Variants in CHSY3 observed in about 807,000 individuals in gnomAD.
CHSY3 encodes the protein chondroitin sulfate synthase 3.
Under a neutral mutation model 67.2 loss-of-function variants are expected in CHSY3, and 35 were observed. The observed-to-expected ratio is 0.52, with a 90% CI of 0.40 to 0.69. The LOEUF (loss-of-function observed/expected upper bound fraction) is 0.69. CHSY3 is among the 30% of genes least tolerant of loss of function. The pLI is 0.00. For synonymous variants in CHSY3, 474 were observed against 434.7 expected (o/e 1.09, Z -1.12); for missense variants, 1,069 against 1,138.5 (o/e 0.94, Z 0.88).
intron 2 of CHSY3, among the ~76,000 whole-genome samples, chr5:129,957,591 A>C (rs1762213656): frequency 6.6e-6 from 1 of 152,164 alleles, no homozygotes; most frequent in Non-Finnish European, 1.5e-5. Flanking sequence ...TTAGCATAGA[A>C]TTTTAGGTTC....
intron 2 of CHSY3, among the ~76,000 whole-genome samples, chr5:130,183,841 G>C (rs1208212451): frequency 6.6e-6 from 1 of 151,944 alleles, no homozygotes; most frequent in African/African-American, 2.4e-5. Flanking sequence ...TTGAATACAT[G>C]ATGACTATAG....
At chr5:130,175,390 A>G (rs1011753927) in intron 2 of CHSY3, among the ~76,000 whole-genome samples, 29 of 152,336 alleles carry the variant, frequency 1.9e-4, no homozygotes, top group South Asian at 4.1e-4. Flanking sequence ...TTCCATGCTC[A>G]TGGATAGGAA....
At chr5:129,936,721 C>T (rs1761504663) in intron 2 of CHSY3, among the ~76,000 whole-genome samples, 2 of 152,008 alleles carry the variant, frequency 1.3e-5, no homozygotes, top group South Asian at 4.1e-4. Context: ...TAGGGCATTC[C>T]CCATGTAAGA....
intron 2 of CHSY3, among the ~76,000 whole-genome samples, chr5:129,913,321 T>A (rs1169165333): frequency 6.6e-6 from 1 of 152,206 alleles, no homozygotes; most frequent in East Asian, 1.9e-4. Flanking sequence ...GCAAGTTTCA[T>A]GATAATATTC....
chr5:130,151,199 CCT>C (rs1448388770), intron 2 of CHSY3, among the ~76,000 whole-genome samples: 1 of 152,110 alleles, frequency 6.6e-6, no homozygotes, highest in Non-Finnish European at 1.5e-5. Context: ...TACTGCAGCC[CCT>C]TACAGGTACA....
At chr5:130,157,215 G>A (rs952797084) in intron 2 of CHSY3, among the ~76,000 whole-genome samples, 8 of 152,202 alleles carry the variant, frequency 5.3e-5, no homozygotes, top group Admixed American at 3.3e-4. Context: ...ATAAATGTTA[G>A]TTAAGGGAAT....
At chr5:130,055,107 G>A (rs779858260) in intron 2 of CHSY3, among the ~76,000 whole-genome samples, 3 of 152,048 alleles carry the variant, frequency 2.0e-5, no homozygotes, top group Non-Finnish European at 4.4e-5. Context: ...CTTCTGATAC[G>A]TATAGGGATT....
intron 2 of CHSY3, among the ~76,000 whole-genome samples, chr5:129,918,090 G>T (rs962175097): frequency 1.3e-5 from 2 of 152,076 alleles, no homozygotes; most frequent in African/African-American, 4.8e-5. Flanking sequence ...CCTGTTACTC[G>T]TCTATTCCAA....
chr5:130,063,773 G>A (rs1765789208), intron 2 of CHSY3, among the ~76,000 whole-genome samples: 1 of 152,126 alleles, frequency 6.6e-6, no homozygotes, highest in Non-Finnish European at 1.5e-5. Flanking sequence ...TCCTCACCTG[G>A]CAGAAGATGG....
At chr5:130,139,792 A>G (rs896808130) in intron 2 of CHSY3, among the ~76,000 whole-genome samples, 2 of 152,198 alleles carry the variant, frequency 1.3e-5, no homozygotes, top group East Asian at 3.8e-4. Flanking sequence ...GCTTAGTAGT[A>G]TGATTATAAA....
At chr5:130,161,982 G>C (rs1316788125) in intron 2 of CHSY3, among the ~76,000 whole-genome samples, 1 of 149,068 alleles carries the variant, frequency 6.7e-6, no homozygotes, top group African/African-American at 2.5e-5. Context: ...TGAGGCTGCA[G>C]TGAGCCAAGA....
At chr5:129,946,652 G>A (rs1274867732) in intron 2 of CHSY3, among the ~76,000 whole-genome samples, 2 of 152,112 alleles carry the variant, frequency 1.3e-5, no homozygotes, top group Non-Finnish European at 2.9e-5. Flanking sequence ...CCATTTCTAT[G>A]AGTTTGACTC....
chr5:129,998,079 C>T (rs543563590), intron 2 of CHSY3, among the ~76,000 whole-genome samples: 74 of 152,260 alleles, frequency 4.9e-4, no homozygotes, highest in Admixed American at 7.2e-4. Context: ...CTTGAGGAAT[C>T]ACCACACTGT....
At chr5:129,912,240 G>C (rs1191906194) in intron 2 of CHSY3, among the ~76,000 whole-genome samples, 1 of 152,116 alleles carries the variant, frequency 6.6e-6, no homozygotes, top group African/African-American at 2.4e-5. Flanking sequence ...CATATATAAA[G>C]AATCCCAAAC....
chr5:130,025,451 T>G (rs189267718), intron 2 of CHSY3, among the ~76,000 whole-genome samples: 1 of 152,260 alleles, frequency 6.6e-6, no homozygotes, highest in East Asian at 1.9e-4. Flanking sequence ...CAGGTGGGGT[T>G]CTGGCTCACA....
chr5:130,127,704 A>T (rs1768339564), intron 2 of CHSY3, among the ~76,000 whole-genome samples: 1 of 152,220 alleles, frequency 6.6e-6, no homozygotes. Context: ...GAAATTCCTG[A>T]TGTTGAAACT....
chr5:130,060,931 A>G (rs1404960893), intron 2 of CHSY3, among the ~76,000 whole-genome samples: 1 of 152,158 alleles, frequency 6.6e-6, no homozygotes, highest in African/African-American at 2.4e-5. Context: ...AAACAAAAAG[A>G]AAGACATCCC....
chr5:129,911,032 A>T (rs1469362139), intron 2 of CHSY3, among the ~76,000 whole-genome samples: 1 of 147,168 alleles, frequency 6.8e-6, no homozygotes, highest in South Asian at 2.1e-4. Flanking sequence ...TTCAGAGTTG[A>T]GAGTCCTGTT....
chr5:130,088,479 G>T (rs1766750868), intron 2 of CHSY3, among the ~76,000 whole-genome samples: 1 of 152,032 alleles, frequency 6.6e-6, no homozygotes, highest in Admixed American at 6.6e-5. Context: ...CTACTCATCT[G>T]ACAAAGGGCT....
Sources: gnomAD v4.1 joint callset for allele counts (sites outside exome capture counted in the v4.1 genomes callset) on GRCh38, gnomAD v4.1.1 for gene constraint, MANE v1.5 for transcripts, NCBI Gene and HGNC (gene_info 2026-07-23, HGNC 2026-07-21) for gene names.